Variants in IGSF21 observed in about 807,000 individuals in gnomAD.
IGSF21 encodes the protein immunoglobulin superfamily member 21.
In IGSF21, 28 loss-of-function variants were observed where a neutral mutation model predicts 46.8. That is an observed-to-expected ratio of 0.60 (90% confidence interval 0.44 to 0.82). The LOEUF (loss-of-function observed/expected upper bound fraction) is 0.82. Among genes scored for constraint, IGSF21 ranks in the 40% least tolerant of loss-of-function variants. IGSF21 has a pLI of 0.00. For synonymous variants in IGSF21, 284 were observed against 273.6 expected (o/e 1.04, Z -0.38); for missense variants, 624 against 665.5 (o/e 0.94, Z 0.69).
intron 3 of IGSF21, among the ~76,000 whole-genome samples, chr1:18,306,741 G>A (rs1178441587): frequency 6.6e-6 from 1 of 152,212 alleles, no homozygotes; most frequent in Non-Finnish European, 1.5e-5. Context: ...AGAGCCATAG[G>A]GTGAGCTGGC....
intron 6 of IGSF21, among the ~76,000 whole-genome samples, chr1:18,367,710 G>A (rs1288266270): frequency 1.4e-5 from 2 of 145,530 alleles, no homozygotes; most frequent in Non-Finnish European, 3.0e-5. Context: ...AGGTTCAAGT[G>A]ATTCTCCTGC....
At chr1:18,330,189 C>A (rs1348056961) in intron 3 of IGSF21, among the ~76,000 whole-genome samples, 4 of 152,134 alleles carry the variant, frequency 2.6e-5, no homozygotes, top group African/African-American at 9.7e-5. Flanking sequence ...GCCACTTAAT[C>A]CACTTTAGAA....
chr1:18,187,138 T>C (rs1432116525), intron 1 of IGSF21, among the ~76,000 whole-genome samples: 1 of 151,962 alleles, frequency 6.6e-6, no homozygotes, highest in Non-Finnish European at 1.5e-5. Context: ...TGGCGGAAGA[T>C]TTGGTTCTTG....
chr1:18,257,016 C>T (rs1407385933), intron 2 of IGSF21, among the ~76,000 whole-genome samples: 2 of 152,178 alleles, frequency 1.3e-5, no homozygotes, highest in African/African-American at 4.8e-5. Flanking sequence ...ACCCAGCCCT[C>T]TTGGTAATAT....
intron 1 of IGSF21, among the ~76,000 whole-genome samples, chr1:18,137,603 G>A (rs2086378004): frequency 6.6e-6 from 1 of 152,118 alleles, no homozygotes; most frequent in Non-Finnish European, 1.5e-5. Context: ...CCTTTGTACA[G>A]TGCAGGACAA....
intron 1 of IGSF21, among the ~76,000 whole-genome samples, chr1:18,108,487 T>C (rs11806559): frequency 0.084 from 12,734 of 151,734 alleles, 657 homozygotes; most frequent in Non-Finnish European, 0.11. Flanking sequence ...CGGGAGTGTA[T>C]TTAGAGATGC....
intron 4 of IGSF21, among the ~76,000 whole-genome samples, chr1:18,343,736 G>A (rs1018076927): frequency 6.6e-6 from 1 of 152,174 alleles, no homozygotes; most frequent in East Asian, 1.9e-4. Flanking sequence ...CATCCTTGTC[G>A]AAAATCAATT....
intron 1 of IGSF21, among the ~76,000 whole-genome samples, chr1:18,226,611 C>T (rs751438443): frequency 6.6e-6 from 1 of 152,154 alleles, no homozygotes; most frequent in Non-Finnish European, 1.5e-5. Flanking sequence ...CGTGCAGGTC[C>T]GCTCTGACTC....
At chr1:18,154,654 T>C (rs1375898479) in intron 1 of IGSF21, among the ~76,000 whole-genome samples, 3 of 147,924 alleles carry the variant, frequency 2.0e-5, no homozygotes, top group Admixed American at 6.7e-5. Context: ...TAGAACTCAC[T>C]TGAAGGATGT....
At chr1:18,147,109 T>C (rs11579009) in intron 1 of IGSF21, among the ~76,000 whole-genome samples, 16,482 of 152,158 alleles carry the variant, frequency 0.11, 1,564 homozygotes, top group African/African-American at 0.25. Context: ...ACGCCTGCCA[T>C]AGCCTCCCTG....
intron 3 of IGSF21, among the ~76,000 whole-genome samples, chr1:18,316,181 G>T (rs1438750639): frequency 6.6e-6 from 1 of 152,182 alleles, no homozygotes; most frequent in Non-Finnish European, 1.5e-5. Flanking sequence ...GGCTTTGCCA[G>T]GCGATGATGC....
At chr1:18,229,467 G>A (rs1343303432) in intron 2 of IGSF21, among the ~76,000 whole-genome samples, 4 of 152,194 alleles carry the variant, frequency 2.6e-5, no homozygotes, top group East Asian at 1.9e-4. Context: ...TTGCATTTTC[G>A]GTCTCTGATT....
chr1:18,162,037 C>T (rs56400992), intron 1 of IGSF21, among the ~76,000 whole-genome samples: 28,119 of 151,960 alleles, frequency 0.19, 2,748 homozygotes, highest in Middle Eastern at 0.27. Flanking sequence ...CTTTCTTTTT[C>T]CTTTTCCTTT....
chr1:18,209,906 A>G (rs55838870), intron 1 of IGSF21, among the ~76,000 whole-genome samples: 22,983 of 151,842 alleles, frequency 0.15, 2,165 homozygotes, highest in Non-Finnish European at 0.2. Context: ...TTCTGTCTTC[A>G]TGTAGAATCT....
At chr1:18,286,991 C>A (rs371065922) in intron 2 of IGSF21, among the ~76,000 whole-genome samples, 1 of 151,714 alleles carries the variant, frequency 6.6e-6, no homozygotes, top group Non-Finnish European at 1.5e-5. Flanking sequence ...ACCATCCCGG[C>A]TAAAACGGTG....
intron 2 of IGSF21, among the ~76,000 whole-genome samples, chr1:18,280,892 G>A (rs971777631): frequency 6.6e-6 from 1 of 152,164 alleles, no homozygotes; most frequent in Non-Finnish European, 1.5e-5. Context: ...CAGGGCTCAG[G>A]GTCCCCTTCT....
chr1:18,185,132 A>G (rs1274414666), intron 1 of IGSF21, among the ~76,000 whole-genome samples: 2 of 152,232 alleles, frequency 1.3e-5, no homozygotes, highest in Non-Finnish European at 2.9e-5. Context: ...CCCAAGTTAT[A>G]GAGATGGGAT....
At chr1:18,371,745 T>C (rs1306766394) in intron 6 of IGSF21, among the ~76,000 whole-genome samples, 1 of 152,198 alleles carries the variant, frequency 6.6e-6, no homozygotes, top group Non-Finnish European at 1.5e-5. Context: ...TCGAGTCCTC[T>C]ACTCAGAGGG....
rs1216636433 is a variant in IGSF21 at position 18,208,391 on chromosome 1, ATATATT to A, written c.71-19505_71-19500del. ...GTTTAGGAATAATATATATATATATATATATTTTTTGAGACGGAGTCTTGCTGTCTC... is the reference window on the plus strand; with the variant it reads ...GTTTAGGAATAATATATATATATATATTTTGAGACGGAGTCTTGCTGTCTC... On this transcript the variant is annotated intron_variant, in intron 1 of 9. Coordinates refer to ENST00000251296, the MANE Select transcript of IGSF21 (RefSeq NM_032880.5). Among the ~76,000 whole-genome samples the A allele has an allele frequency of 2.8e-4, 33 of 117,538 alleles. 3 individuals are homozygous for A. Among genetic ancestry groups the A allele is most frequent in the African/African-American group, 6.4e-4 (22 of 34,574 alleles). 77.1% of individuals were successfully genotyped at this position (117,538 alleles called of 152,430 possible).
Sources: allele counts gnomAD v4.1 joint callset (sites outside exome capture counted in the v4.1 genomes callset), GRCh38; gene constraint gnomAD v4.1.1; transcripts MANE v1.5; gene names NCBI Gene and HGNC (gene_info 2026-07-23, HGNC 2026-07-21).